ZNF697: variants seen among roughly 807,000 people sequenced by gnomAD.
The protein encoded by ZNF697 is zinc finger protein 697.
ZNF697 carries 23 observed loss-of-function variants against 32.4 expected under a neutral mutation model. That is an observed-to-expected ratio of 0.71 (90% CI 0.51 to 1.01). The LOEUF is 1.01. Ranked by LOEUF, ZNF697 falls within the 50% of genes least tolerant of loss-of-function variation. The pLI is 0.00. For synonymous variants in ZNF697, 418 were observed against 337.2 expected, an observed-to-expected ratio of 1.24 and a Z score of -2.62; for missense variants, 930 against 794.0, an observed-to-expected ratio of 1.17 and a Z score of -2.06.
In ZNF697 at chr1:119,622,512, G is replaced by T. The variant is rs3795662; in HGVS notation, c.*193C>A. 0.62 allele frequency: 646,326 copies of T among 1,035,538 alleles called. 204,835 individuals are homozygous for T. The highest frequency in any genetic ancestry group is 0.83 in the African/African-American group (50,946 of 61,664). 64.1% of individuals were successfully genotyped at this position (1,035,538 alleles called of 1,614,324 possible). A position where few individuals can be genotyped will look rare whatever the true frequency, so the allele number is the denominator to read the frequency against. On this transcript the variant is annotated 3_prime_UTR_variant, in exon 3 of 3. Coordinates refer to ENST00000421812, the MANE Select transcript of ZNF697 (RefSeq NM_001080470.2). ...CTGAACAATTCTTCCGTGGAGAGGA[G>T]GCAAGTATAGCACCGGGAAAGACCA...
At chr1:119,642,175 T>G (rs940374302) in intron 1 of ZNF697, among the ~76,000 whole-genome samples, 1 of 152,134 alleles carries the variant, frequency 6.6e-6, no homozygotes, top group African/African-American at 2.4e-5. Context: ...AGGCAAACTA[T>G]GGAGACAGTA....
At chr1:119,636,923 A>G (rs1055648147) in intron 1 of ZNF697, among the ~76,000 whole-genome samples, 2 of 152,184 alleles carry the variant, frequency 1.3e-5, no homozygotes, top group Non-Finnish European at 2.9e-5. Flanking sequence ...GTTGTTCCTC[A>G]AGACTGTAAC....
intron 1 of ZNF697, among the ~76,000 whole-genome samples, chr1:119,638,357 A>G (rs961776339): frequency 2.6e-5 from 4 of 152,232 alleles, no homozygotes; most frequent in African/African-American, 7.2e-5. Context: ...TTAGTGATCC[A>G]GACCCACATC....
In ZNF697 at chr1:119,622,474, C is replaced by CCAAGCG; in HGVS notation, c.*225_*230dup. 1 of 759,602 alleles carries CCAAGCG rather than the reference C, an allele frequency of 1.3e-6. No homozygotes were observed. Among genetic ancestry groups the CCAAGCG allele is most frequent in the South Asian group, 2.6e-5 (1 of 38,656 alleles). The allele number at this position is 759,602 out of a possible 1,614,324, so 47.1% of individuals were successfully genotyped here. Reference sequence around the variant, plus strand: ...GCGTGTATTTAAGGAAGTCATCACCCCAAGCGCATCTCCTGAACAATTCTT... The same window carrying CCAAGCG: ...GCGTGTATTTAAGGAAGTCATCACCCCAAGCGCAAGCGCATCTCCTGAACAATTCTT... On this transcript the variant is annotated 3_prime_UTR_variant, in exon 3 of 3. Transcript: ENST00000421812.
Position 119,647,750 on chromosome 1 carries a change from C to G in ZNF697, c.-97G>C, listed in dbSNP as rs587767127. On this transcript the variant is annotated 5_prime_UTR_variant, in exon 1 of 3. Transcript: ENST00000421812. ...GGTTTCTCCGAGGGTCTCTGATGCC[C>G]CCTTCGGTGGTCGGCGGGACGGTCC... is the stretch of plus-strand genomic sequence containing the variant. 3 of 152,534 alleles carry G rather than the reference C, an allele frequency of 2.0e-5. No homozygotes were observed. Among genetic ancestry groups the G allele is most frequent in the African/African-American group, 7.2e-5 (3 of 41,554 alleles). 9.4% of individuals were successfully genotyped at this position (152,534 alleles called of 1,614,324 possible).
chr1:119,637,664 T>C (rs908399174), intron 1 of ZNF697, among the ~76,000 whole-genome samples: 1 of 152,232 alleles, frequency 6.6e-6, no homozygotes, highest in African/African-American at 2.4e-5. Context: ...GATAATTTTT[T>C]TCCTATTGTA....
At chr1:119,636,067 G>C (rs587727801) in intron 1 of ZNF697, among the ~76,000 whole-genome samples, 1 of 152,266 alleles carries the variant, frequency 6.6e-6, no homozygotes, top group African/African-American at 2.4e-5. Context: ...GGAGGCTTGC[G>C]TGTCTGGGAC....
chr1:119,623,816 TC>T lies in ZNF697; in HGVS notation c.526del (p.Glu176SerfsTer62). 2 of 1,546,910 alleles carry T rather than the reference TC, an allele frequency of 1.3e-6. No homozygotes were observed. The highest frequency in any genetic ancestry group is 8.7e-7 in the Non-Finnish European group (1 of 1,145,294). On this transcript the variant is annotated frameshift_variant, in exon 3 of 3. Transcript: ENST00000421812. LOFTEE classifies it high-confidence loss of function. Reference protein sequence around the residue: ...LHHPMAVDLGELDSLVASIMD... With the variant: ...LHHPMAVDLGXLDSLVASIMD... ...GATGCTGGCCACCAGGCTATCCAGC[TC>T]CCCGAGGTCCACGGCCATGGGGTGG...
At position 119,647,735 on chromosome 1, in the gene ZNF697, A is replaced by T. The variant is rs938872465; in HGVS notation, c.-82T>A. The T allele has an allele frequency of 6.6e-6, 1 of 152,446 alleles. No homozygotes were observed. The highest frequency in any genetic ancestry group is 1.5e-5 in the Non-Finnish European group (1 of 68,312). 9.4% of individuals were successfully genotyped at this position (152,446 alleles called of 1,614,324 possible). ...CTCCTCCCTGGGCTTGGTTTCTCCG[A>T]GGGTCTCTGATGCCCCCTTCGGTGG... On this transcript the variant is annotated 5_prime_UTR_variant, in exon 1 of 3. Transcript: ENST00000421812.
In ZNF697 at chr1:119,625,907, C is replaced by A; in HGVS notation, c.194G>T (p.Arg65Met). The change falls in exon 2 of 3, where the codon AGG becomes ATG. Residue 65 changes from arginine to methionine, a missense_variant. Transcript: ENST00000421812. ...PEMGSNPQDS[R>M]HREAVPDICT... ...GATGTCGGGCACTGCTTCCCTGTGC[C>A]TTGAGTCCTGTGGGTTGGAGCCCAT... 6.2e-7 allele frequency: 1 copy of A among 1,613,800 alleles called. No individual in the cohort carries two copies. Among genetic ancestry groups the A allele is most frequent in the Non-Finnish European group, 8.5e-7 (1 of 1,179,832 alleles).
intron 1 of ZNF697, among the ~76,000 whole-genome samples, chr1:119,634,828 A>G (rs1321150913): frequency 6.6e-6 from 1 of 152,248 alleles, no homozygotes. Flanking sequence ...ATTATAAGAC[A>G]ACGGAGGAAC....
At chr1:119,635,896 G>A (rs1648908007) in intron 1 of ZNF697, among the ~76,000 whole-genome samples, 1 of 152,052 alleles carries the variant, frequency 6.6e-6, no homozygotes, top group African/African-American at 2.4e-5. Flanking sequence ...ATCACACTAC[G>A]AAGAGAGCAA....
Position 119,648,202 on chromosome 1 carries a change from TTGGCTGGCTGGC to T in ZNF697, c.-561_-550del, listed in dbSNP as rs587734493. Among the ~76,000 whole-genome samples, 31 of 150,402 alleles carry T rather than the reference TTGGCTGGCTGGC, an allele frequency of 2.1e-4. No individual in the cohort carries two copies. Among genetic ancestry groups the T allele is most frequent in the South Asian group, 6.3e-4 (3 of 4,746 alleles). ...GCTGGGTGGCCCGCTGGCTGGCTGG[TTGGCTGGCTGGC>T]TGGCTGGCTGGCTGGCTGGCTCGCT... On this transcript the variant is annotated 5_prime_UTR_variant, in exon 1 of 3. Transcript: ENST00000421812.
chr1:119,622,398 G>T lies in ZNF697; in HGVS notation c.*307C>A. ...CCATCCTGTTCCCACCCCAGCCCAC[G>T]AACTGCCCTTCCTCAAAGTGCCTGG... On this transcript the variant is annotated 3_prime_UTR_variant, in exon 3 of 3. Transcript: ENST00000421812. The T allele has an allele frequency of 3.8e-6, 1 of 261,844 alleles. No homozygotes were observed. Among genetic ancestry groups the T allele is most frequent in the Non-Finnish European group, 6.2e-6 (1 of 161,048 alleles). 16.2% of individuals were successfully genotyped at this position (261,844 alleles called of 1,614,324 possible).
At position 119,622,852 on chromosome 1, in the gene ZNF697, C is replaced by G. The variant is rs777690500; in HGVS notation, c.1491G>C (p.Glu497Asp). The G allele has an allele frequency of 1.2e-6, 2 of 1,608,810 alleles. No individual in the cohort carries two copies. The highest frequency in any genetic ancestry group is 1.3e-5 in the African/African-American group (1 of 74,838). Residue 497 changes from glutamate to aspartate, a missense_variant, in exon 3 of 3, where the codon GAG becomes GAC. Physicochemically the swap from Glu to Asp is conservative, Grantham distance 45. Coordinates refer to ENST00000421812, the MANE Select transcript of ZNF697 (RefSeq NM_001080470.2). ...HTGEKPYTCI[E>D]CGKSFIQSSH... ...AGCTCTGGATAAAGCTCTTGCCGCA[C>G]TCGATGCACGTGTAGGGCTTCTCGC...
At chr1:119,644,282 T>G (rs1011223583) in intron 1 of ZNF697, among the ~76,000 whole-genome samples, 1 of 152,216 alleles carries the variant, frequency 6.6e-6, no homozygotes, top group East Asian at 1.9e-4. Flanking sequence ...ACACAGTTCT[T>G]TACCCAAAGG....
At chr1:119,637,224 C>CA (rs1211901976) in intron 1 of ZNF697, among the ~76,000 whole-genome samples, 1 of 152,248 alleles carries the variant, frequency 6.6e-6, no homozygotes, top group East Asian at 1.9e-4. Context: ...GAGAGTTACA[C>CA]AAAACTGCAA....
intron 1 of ZNF697, among the ~76,000 whole-genome samples, chr1:119,629,547 C>G (rs900641618): frequency 6.6e-6 from 1 of 152,220 alleles, no homozygotes; most frequent in Admixed American, 6.5e-5. Context: ...GTTTCTTAGC[C>G]TTGCTGAATC....
In ZNF697 at chr1:119,622,921, G is replaced by T. The variant is rs773712484; in HGVS notation, c.1422C>A (p.Phe474Leu). ...GCTGCGTGAGCGTGGAGAAGTCGCT[G>T]AAGCGCTTCTCGCACTGGCCACAGC... ...PFRCGQCEKRFSDFSTLTQHQ... is the reference protein window; with the variant it reads ...PFRCGQCEKRLSDFSTLTQHQ... The change falls in exon 3 of 3, where the codon TTC (phenylalanine) becomes TTA (leucine). Residue 474 changes from phenylalanine (F) to leucine (L), a missense_variant. Transcript: ENST00000421812. The T allele has an allele frequency of 6.2e-7, 1 of 1,608,424 alleles. No homozygotes were observed. Among genetic ancestry groups the T allele is most frequent in the South Asian group, 1.1e-5 (1 of 90,304 alleles).
Sources: gnomAD v4.1 joint callset for allele counts (sites outside exome capture counted in the v4.1 genomes callset) on GRCh38, gnomAD v4.1.1 for gene constraint, MANE v1.5 for transcripts, NCBI Gene and HGNC (gene_info 2026-07-23, HGNC 2026-07-21) for gene names.